The following ZNF804B variants were observed in gnomAD, a reference collection of about 807,000 sequenced individuals.
The protein encoded by ZNF804B is zinc finger protein 804B.
Under a neutral mutation model 101.4 loss-of-function variants are expected in ZNF804B, and 80 were observed. The observed-to-expected ratio is 0.79, with a 90% CI of 0.66 to 0.95. The LOEUF (loss-of-function observed/expected upper bound fraction) is 0.95. ZNF804B is among the 40% of genes least tolerant of loss of function. The pLI is 0.00. For synonymous variants in ZNF804B, 622 were observed against 558.8 expected (o/e 1.11, Z -1.59); for missense variants, 1,673 against 1,561.9 (o/e 1.07, Z -1.20).
At chr7:88,891,987 T>C (rs1405384253) in intron 1 of ZNF804B, among the ~76,000 whole-genome samples, 1 of 152,082 alleles carries the variant, frequency 6.6e-6, no homozygotes, top group Non-Finnish European at 1.5e-5. Flanking sequence ...ACCCCAAATA[T>C]TTTCATGTGC....
intron 2 of ZNF804B, among the ~76,000 whole-genome samples, chr7:89,268,091 T>C (rs1170668732): frequency 6.6e-6 from 1 of 152,170 alleles, no homozygotes; most frequent in Non-Finnish European, 1.5e-5. Flanking sequence ...AAAAGTCTAA[T>C]GAGTATCTTT....
At position 89,336,309 on chromosome 7, in the gene ZNF804B, T is replaced by C. The variant is rs781700939; in HGVS notation, c.3327T>C (p.His1109=). 1.9e-6 allele frequency: 3 copies of C among 1,613,896 alleles called. No individual in the cohort carries two copies. Among genetic ancestry groups the C allele is most frequent in the Admixed American group, 1.7e-5 (1 of 59,974 alleles). ...DLQDVSMHIN[H]VEGNINSYYD... ...AGGATGTAAGCATGCATATAAATCA[T>C]GTAGAGGGAAATATAAACTCTTACT... Residue 1109 remains histidine (H), a synonymous_variant, in exon 4 of 4, where the codon CAT becomes CAC. Transcript: ENST00000333190.
rs1297861420 is a variant in ZNF804B at position 89,334,247 on chromosome 7, A to G, written c.1265A>G (p.Lys422Arg). The G allele has an allele frequency of 6.2e-7, 1 of 1,613,582 alleles. No homozygotes were observed. The highest frequency in any genetic ancestry group is 8.5e-7 in the Non-Finnish European group (1 of 1,179,840). Residue 422 changes from lysine to arginine, a missense_variant, in exon 4 of 4, where the codon AAA (lysine) becomes AGA (arginine). Lys to Arg is a conservative substitution (Grantham distance 26, BLOSUM62 2). Coordinates refer to ENST00000333190, the MANE Select transcript of ZNF804B (RefSeq NM_181646.5). Reference sequence around the variant, plus strand: ...TTAGATAAAACAGAAAGAGTTAGCAAAAATGTTCAAAGACTTGTAAAAGAA... The same window carrying G: ...TTAGATAAAACAGAAAGAGTTAGCAGAAATGTTCAAAGACTTGTAAAAGAA... ...KSLDKTERVS[K>R]NVQRLVKEAC...
chr7:89,005,258 T>A (rs1419121897), intron 1 of ZNF804B, among the ~76,000 whole-genome samples: 2 of 152,048 alleles, frequency 1.3e-5, no homozygotes, highest in Non-Finnish European at 2.9e-5. Context: ...ACTGATGGGT[T>A]ACAAGGTTAC....
intron 1 of ZNF804B, among the ~76,000 whole-genome samples, chr7:88,766,829 A>C (rs950361966): frequency 6.6e-6 from 1 of 152,274 alleles, no homozygotes; most frequent in African/African-American, 2.4e-5. Context: ...TGTACTGGAC[A>C]GCAATGAGAA....
chr7:89,127,066 A>G (rs1790485025), intron 1 of ZNF804B, among the ~76,000 whole-genome samples: 1 of 151,976 alleles, frequency 6.6e-6, no homozygotes, highest in South Asian at 2.1e-4. Context: ...GTACCTGATC[A>G]TTTCTGGAAA....
intron 1 of ZNF804B, among the ~76,000 whole-genome samples, chr7:89,049,112 A>G (rs529851096): frequency 2.7e-4 from 41 of 150,438 alleles, no homozygotes; most frequent in African/African-American, 9.5e-4. Context: ...ATCATTAACA[A>G]TCATATTATG....
intron 1 of ZNF804B, among the ~76,000 whole-genome samples, chr7:89,076,413 G>A (rs1222487752): frequency 6.6e-6 from 1 of 152,216 alleles, no homozygotes; most frequent in East Asian, 1.9e-4. Flanking sequence ...CTCCATCCAT[G>A]TAAGACGTGA....
intron 1 of ZNF804B, among the ~76,000 whole-genome samples, chr7:89,015,046 T>C (rs1265034749): frequency 1.3e-5 from 2 of 152,148 alleles, no homozygotes; most frequent in Non-Finnish European, 2.9e-5. Context: ...GAAATGGAGG[T>C]CTGCTTTCAT....
chr7:89,295,642 G>GA (rs1272670173), intron 2 of ZNF804B, among the ~76,000 whole-genome samples: 3 of 151,812 alleles, frequency 2.0e-5, no homozygotes, highest in Non-Finnish European at 4.4e-5. Context: ...GGGGCATATT[G>GA]AAAAATACAG....
At chr7:89,302,004 TG>T (rs1790482377) in intron 2 of ZNF804B, among the ~76,000 whole-genome samples, 1 of 151,922 alleles carries the variant, frequency 6.6e-6, no homozygotes, top group Non-Finnish European at 1.5e-5. Context: ...GAAAAACCCA[TG>T]GCATCAGCTT....
chr7:88,974,060 T>C (rs1041634968), intron 1 of ZNF804B, among the ~76,000 whole-genome samples: 6 of 151,394 alleles, frequency 4.0e-5, no homozygotes, highest in African/African-American at 1.2e-4. Context: ...CAAAGTCATA[T>C]GATAAAGGTT....
At chr7:88,877,018 ATATATATAATAT>A (rs1285474368) in intron 1 of ZNF804B, among the ~76,000 whole-genome samples, 15 of 78,598 alleles carry the variant, frequency 1.9e-4, no homozygotes, top group African/African-American at 3.2e-4. Flanking sequence ...ATATATATAT[ATATATATAATAT>A]ATATATATAT....
rs116969453 is a variant in ZNF804B, at chr7:89,327,772, T to C, written c.380+298T>C. Among the ~76,000 whole-genome samples, 1,321 of 152,032 alleles carry C rather than the reference T, an allele frequency of 8.7e-3. 8 individuals are homozygous for C. The highest frequency in any genetic ancestry group is 0.014 in the Non-Finnish European group (960 of 67,916). Reference sequence around the variant, plus strand: ...TAATATCACTTCTTAATATATTTTTTAAATTTTGTAATAATAATTTTAAAA... The same window carrying C: ...TAATATCACTTCTTAATATATTTTTCAAATTTTGTAATAATAATTTTAAAA... On this transcript the variant is annotated intron_variant, in intron 3 of 3. Coordinates refer to ENST00000333190, the MANE Select transcript of ZNF804B (RefSeq NM_181646.5).
chr7:89,177,665 T>G (rs548643242), intron 1 of ZNF804B, among the ~76,000 whole-genome samples: 1 of 152,346 alleles, frequency 6.6e-6, no homozygotes, highest in East Asian at 1.9e-4. Context: ...CTTTGTTGAT[T>G]ATCTGTCTAG....
Position 88,846,935 on chromosome 7 carries a change from T to TACACACAC in ZNF804B, c.108+86866_108+86873dup, listed in dbSNP as rs34253376. ...ACACATACATATATATAAATGTGTA[T>TACACACAC]ACACACACACACACACACACACTAA... On this transcript the variant is annotated intron_variant, in intron 1 of 3. Transcript: ENST00000333190. 2.2e-3 allele frequency among the ~76,000 whole-genome samples: 329 copies of TACACACAC among 149,652 alleles called. 3 individuals are homozygous for TACACACAC. Among genetic ancestry groups the TACACACAC allele is most frequent in the African/African-American group, 7.8e-3 (318 of 41,014 alleles).
chr7:88,906,079 T>C (rs1792465824), intron 1 of ZNF804B, among the ~76,000 whole-genome samples: 1 of 152,024 alleles, frequency 6.6e-6, no homozygotes, highest in Non-Finnish European at 1.5e-5. Flanking sequence ...TTGTTTGTAG[T>C]AGTCTGAAGA....
chr7:89,171,348 TCTTCTTCTTC>T, intron 1 of ZNF804B, among the ~76,000 whole-genome samples: 1 of 130,760 alleles, frequency 7.6e-6, no homozygotes, highest in Non-Finnish European at 1.7e-5. Context: ...TTCTTCTTCT[TCTTCTTCTTC>T]CTCCTCTTCC....
chr7:89,288,718 G>C (rs948218924), intron 2 of ZNF804B, among the ~76,000 whole-genome samples: 1 of 152,110 alleles, frequency 6.6e-6, no homozygotes, highest in East Asian at 1.9e-4. Context: ...AGGGATTTTC[G>C]GCAGCCCACA....
Sources: gnomAD v4.1 joint callset for allele counts (sites outside exome capture counted in the v4.1 genomes callset) on GRCh38, gnomAD v4.1.1 for gene constraint, MANE v1.5 for transcripts, NCBI Gene and HGNC (gene_info 2026-07-23, HGNC 2026-07-21) for gene names.